Variants in EGFLAM observed in about 807,000 individuals in gnomAD.
EGFLAM encodes the protein pikachurin.
In EGFLAM, 79 loss-of-function variants were observed where a neutral mutation model predicts 113.1. The ratio of observed to expected loss-of-function variants is 0.70; its 90% CI spans 0.58 to 0.84. The LOEUF (loss-of-function observed/expected upper bound fraction) is 0.84. Ranked by LOEUF, EGFLAM falls within the 40% of genes least tolerant of loss-of-function variation. The probability of loss-of-function intolerance (pLI) is 0.00; values close to 1 mark genes in which losing one functional copy is unlikely to be tolerated. For missense variants in EGFLAM, 1,265 were observed against 1,291.6 expected (o/e 0.98, Z 0.32); for synonymous variants, 504 against 487.6 (o/e 1.03, Z -0.44).
At chr5:38,342,457 G>T (rs1450599297) in intron 3 of EGFLAM, among the ~76,000 whole-genome samples, 2 of 152,182 alleles carry the variant, frequency 1.3e-5, no homozygotes, top group African/African-American at 4.8e-5. Flanking sequence ...TTTCTGGATT[G>T]AATGCTAAAC....
intron 18 of EGFLAM, 104 bp downstream of exon 18, chr5:38,448,483 A>G (rs1742798471): frequency 6.5e-6 from 8 of 1,224,056 alleles, no homozygotes; most frequent in Non-Finnish European, 2.4e-6. Context: ...ATAATTCTCA[A>G]AGAAGACCAT....
intron 1 of EGFLAM, among the ~76,000 whole-genome samples, chr5:38,329,533 T>C (rs1485107196): frequency 6.6e-6 from 1 of 152,004 alleles, no homozygotes; most frequent in Non-Finnish European, 1.5e-5. Flanking sequence ...GTGACTGGCA[T>C]CCTCCTTCTC....
intron 20 of EGFLAM, 130 bp from the exon 21 acceptor site, chr5:38,462,778 G>A: frequency 1.9e-6 from 2 of 1,026,900 alleles, no homozygotes; most frequent in Admixed American, 2.2e-5. Flanking sequence ...GATTTCTGCA[G>A]CCCCATCATT....
chr5:38,441,621 C>CACACACAT (rs1742537165), intron 17 of EGFLAM, among the ~76,000 whole-genome samples: 1 of 151,976 alleles, frequency 6.6e-6, no homozygotes, highest in Non-Finnish European at 1.5e-5. Flanking sequence ...CACACACACA[C>CACACACAT]ACGCATTCAC....
In EGFLAM at chr5:38,438,454, A is replaced by G. The variant is rs745760958; in HGVS notation, c.2463A>G (p.Lys821=). ...PLGFEGLHCQ[K]AIIEAIEIPQ... is the part of the protein sequence containing the mutation. ...GCTTTGAGGGGCTTCACTGCCAGAAAGGTACGCTCAGGGGTCTGAGGCACA... is the reference window on the plus strand; with the variant it reads ...GCTTTGAGGGGCTTCACTGCCAGAAGGGTACGCTCAGGGGTCTGAGGCACA... The change falls in exon 17 of 22, where the codon AAA becomes AAG. Residue 821 remains lysine (K), a splice_region_variant and synonymous_variant. Transcript: ENST00000322350. 6.2e-7 allele frequency: 1 copy of G among 1,605,538 alleles called. No individual in the cohort carries two copies. The highest frequency in any genetic ancestry group is 1.1e-5 in the South Asian group (1 of 89,778).
In EGFLAM at chr5:38,361,241, C is replaced by T. The variant is rs146533605; in HGVS notation, c.545+8910C>T. Among the ~76,000 whole-genome samples, 253 of 152,218 alleles carry T rather than the reference C, an allele frequency of 1.7e-3. 1 individual carries two copies. Among genetic ancestry groups the T allele is most frequent in the African/African-American group, 6.0e-3 (248 of 41,522 alleles). On this transcript the variant is annotated intron_variant, in intron 5 of 21. Transcript: ENST00000322350. The stretch of plus-strand genomic sequence containing the variant: ...CCTTACTTAGCTTACTCTTGTTCAT[C>T]CTTCAGGACTCCTCTTTAAGTGTCA...
chr5:38,269,004 G>A (rs1427199191), intron 1 of EGFLAM, among the ~76,000 whole-genome samples: 1 of 151,950 alleles, frequency 6.6e-6, no homozygotes, highest in Non-Finnish European at 1.5e-5. Context: ...TGGCGAAACC[G>A]CATCTCTACT....
chr5:38,340,674 G>A (rs115272982), intron 3 of EGFLAM, among the ~76,000 whole-genome samples: 2,498 of 152,248 alleles, frequency 0.016, 67 homozygotes, highest in African/African-American at 0.056. Flanking sequence ...TGGTCAAGAG[G>A]TGAAAGTTGG....
intron 6 of EGFLAM, among the ~76,000 whole-genome samples, chr5:38,394,711 C>CTTTTTTTT (rs11451294): frequency 9.9e-5 from 12 of 121,696 alleles, no homozygotes; most frequent in African/African-American, 3.3e-4. Context: ...GCCGGGCCCA[C>CTTTTTTTT]TTTTTTTTTT....
At chr5:38,311,614 A>G (rs563123730) in intron 1 of EGFLAM, among the ~76,000 whole-genome samples, 1 of 152,012 alleles carries the variant, frequency 6.6e-6, no homozygotes, top group African/African-American at 2.4e-5. Context: ...TGTTTTTTGC[A>G]TTTTTTTCGT....
intron 15 of EGFLAM, among the ~76,000 whole-genome samples, chr5:38,433,634 A>T (rs921002317): frequency 6.6e-6 from 1 of 151,948 alleles, no homozygotes; most frequent in African/African-American, 2.4e-5. Flanking sequence ...CCATAATGCA[A>T]TTTTTTTTCC....
chr5:38,338,839 T>C, intron 3 of EGFLAM, 58 bp downstream of exon 3: 2 of 1,445,026 alleles, frequency 1.4e-6, no homozygotes, highest in Non-Finnish European at 9.7e-7. Flanking sequence ...TTCGGGCGGA[T>C]TGCTGATTTG....
At chr5:38,290,943 G>C (rs896977273) in intron 1 of EGFLAM, 3 of 152,354 alleles carry the variant, frequency 2.0e-5, no homozygotes, top group African/African-American at 4.8e-5. Context: ...TTAGCCGGGC[G>C]TGGTGGCGGC....
chr5:38,436,982 C>T (rs945033707), intron 16 of EGFLAM, among the ~76,000 whole-genome samples: 2 of 152,182 alleles, frequency 1.3e-5, no homozygotes, highest in African/African-American at 4.8e-5. Flanking sequence ...TCTTATAACC[C>T]CTGGGCAGTG....
intron 1 of EGFLAM, among the ~76,000 whole-genome samples, chr5:38,265,770 G>C (rs1441071644): frequency 6.6e-6 from 1 of 152,214 alleles, no homozygotes; most frequent in Non-Finnish European, 1.5e-5. Flanking sequence ...CTGGCTCTGC[G>C]CGGGTCTCCG....
chr5:38,458,856 C>T (rs1322387422), intron 20 of EGFLAM, among the ~76,000 whole-genome samples: 1 of 151,946 alleles, frequency 6.6e-6, no homozygotes, highest in Non-Finnish European at 1.5e-5. Flanking sequence ...TGGCACACGC[C>T]TGTAATCCTA....
chr5:38,319,900 C>A (rs201786754), intron 1 of EGFLAM, among the ~76,000 whole-genome samples: 139 of 152,360 alleles, frequency 9.1e-4, no homozygotes, highest in African/African-American at 3.2e-3. Flanking sequence ...TGAAACAGTG[C>A]TCTTGACTCA....
rs1409753018 is a variant in EGFLAM at position 38,350,565 on chromosome 5, A to C, written c.356A>C (p.Gln119Pro). 9.9e-6 allele frequency: 16 copies of C among 1,614,050 alleles called. No individual in the cohort carries two copies. Among genetic ancestry groups the C allele is most frequent in the African/African-American group, 1.3e-5 (1 of 74,950 alleles). ...CGTGTGAGCATAGCAGCTTACAGCC[A>C]GGCTGGCAAAGGGCGGCTGAGCTCT... ...EYRVSIAAYS[Q>P]AGKGRLSSPR... The change falls in exon 4 of 22, where the codon CAG becomes CCG. Residue 119 changes from glutamine to proline, a missense_variant. Gln to Pro is a moderately conservative substitution (Grantham distance 76). Coordinates refer to ENST00000322350, the MANE Select transcript of EGFLAM (RefSeq NM_152403.4).
At chr5:38,361,445 A>C (rs1299799025) in intron 5 of EGFLAM, among the ~76,000 whole-genome samples, 1 of 152,234 alleles carries the variant, frequency 6.6e-6, no homozygotes, top group Non-Finnish European at 1.5e-5. Flanking sequence ...AATATAGGAC[A>C]TAGCACTGTG....
Sources: allele counts gnomAD v4.1 joint callset (sites outside exome capture counted in the v4.1 genomes callset), GRCh38; gene constraint gnomAD v4.1.1; transcripts MANE v1.5; gene names NCBI Gene and HGNC (gene_info 2026-07-23, HGNC 2026-07-21).